Variants in SLC6A13 observed in about 807,000 individuals in gnomAD.
SLC6A13 encodes solute carrier family 6 member 13.
SLC6A13 carries 69 observed loss-of-function variants against 72.9 expected under a neutral mutation model. That is an observed-to-expected ratio of 0.95 (90% CI 0.78 to 1.16). The LOEUF (loss-of-function observed/expected upper bound fraction) is 1.16, where lower values mean the gene tolerates loss of function less well. Among genes scored for constraint, SLC6A13 ranks in the 50% most tolerant of loss-of-function variants. The pLI is 0.00. For synonymous variants in SLC6A13, 303 were observed against 303.0 expected, an observed-to-expected ratio of 1.00 and a Z score of 0.00; for missense variants, 735 against 760.5, an observed-to-expected ratio of 0.97 and a Z score of 0.39.
At chr12:230,225 AGTGTAAAAAATTCTGGGT>A in intron 7 of SLC6A13, among the ~76,000 whole-genome samples, 1 of 152,204 alleles carries the variant, frequency 6.6e-6, no homozygotes, top group Non-Finnish European at 1.5e-5. Flanking sequence ...GGGAAAAATA[AGTGTAAAAAATTCTGGGT>A]GGAACGCAGG....
At position 237,942 on chromosome 12, in the gene SLC6A13, C is replaced by G. The variant is rs765557068; in HGVS notation, c.547G>C (p.Val183Leu). 5.0e-6 allele frequency: 8 copies of G among 1,613,634 alleles called. No individual in the cohort carries two copies. In the African/African-American group the frequency reaches 8.0e-5, roughly 16 times the overall value. ...CTCACTTACTCCCAGAACTCGATGACAGGAGAGGTGGCATTCTCAGAGGTA... is the reference window on the plus strand; with the variant it reads ...CTCACTTACTCCCAGAACTCGATGAGAGGAGAGGTGGCATTCTCAGAGGTA... ...NGTSENATSP[V>L]IEFWERRVLK... Residue 183 changes from valine (V) to leucine (L), a missense_variant, in exon 5 of 15, where the codon GTC (valine) becomes CTC (leucine). Coordinates refer to ENST00000343164, the MANE Select transcript of SLC6A13 (RefSeq NM_016615.5).
At position 224,013 on chromosome 12, in the gene SLC6A13, C is replaced by A; in HGVS notation, c.1290G>T (p.Val430=). ...TCACCTCTGTGAGCATGATCAGCCCCACAAGGAAGGAGACGACAGATACTC... is the reference window on the plus strand; with the variant it reads ...TCACCTCTGTGAGCATGATCAGCCCAACAAGGAAGGAGACGACAGATACTC... The part of the protein sequence containing the change: ...ILGVSVVSFL[V]GLIMLTEGGM... Residue 430 remains valine (V), a synonymous_variant, in exon 11 of 15, where the codon GTG becomes GTT. Transcript: ENST00000343164. 6.2e-7 allele frequency: 1 copy of A among 1,613,356 alleles called. No homozygotes were observed. Among genetic ancestry groups the A allele is most frequent in the Non-Finnish European group, 8.5e-7 (1 of 1,179,748 alleles).
rs1313876243 is a variant in SLC6A13 at position 243,737 on chromosome 12, G to C, written c.279C>G (p.Gly93=). 2 of 1,614,148 alleles carry C rather than the reference G, an allele frequency of 1.2e-6. No homozygotes were observed. Among genetic ancestry groups the C allele is most frequent in the Admixed American group, 1.7e-5 (1 of 60,030 alleles). Residue 93 remains glycine (G), a synonymous_variant, in exon 3 of 15, where the codon GGC becomes GGG. Transcript: ENST00000343164. ...TGACGCCTCCCTGGCTAGTGTACTG[G>C]CCTAGTGCTGTCTCCAGAAGGAAGA... ...IPVFLLETAL[G]QYTSQGGVTA...
chr12:237,093 G>A (rs1480268339), intron 6 of SLC6A13, 65 bp downstream of exon 6: 2 of 1,578,996 alleles, frequency 1.3e-6, no homozygotes, highest in Non-Finnish European at 1.7e-6. Context: ...GAGAACTCCT[G>A]GGTGACAGCC....
At chr12:226,101 T>A (rs903930464) in intron 9 of SLC6A13, among the ~76,000 whole-genome samples, 1 of 152,240 alleles carries the variant, frequency 6.6e-6, no homozygotes, top group East Asian at 1.9e-4. Context: ...TTTTCTCATA[T>A]ATGTCTAAAC....
chr12:225,380 C>T (rs117339539), intron 9 of SLC6A13, among the ~76,000 whole-genome samples: 1,879 of 152,306 alleles, frequency 0.012, 15 homozygotes, highest in South Asian at 0.027. Flanking sequence ...CCAGCCATGG[C>T]GGCTTATGCC....
intron 2 of SLC6A13, chr12:259,030 A>G (rs1350598031): frequency 6.6e-6 from 1 of 151,296 alleles, no homozygotes; most frequent in Non-Finnish European, 1.5e-5. Flanking sequence ...TTATTACTTA[A>G]GACCACAGAA....
intron 5 of SLC6A13, among the ~76,000 whole-genome samples, chr12:237,640 C>G (rs1159646090): frequency 6.6e-6 from 1 of 152,094 alleles, no homozygotes; most frequent in African/African-American, 2.4e-5. Flanking sequence ...ACTCTTGCAG[C>G]CACAGGGAGG....
rs555044 is a variant in SLC6A13, at chr12:226,756, C to A, written c.936-242G>T. 0.28 allele frequency: 106,979 copies of A among 385,580 alleles called. 16,326 individuals carry two copies. Among genetic ancestry groups the A allele is most frequent in the African/African-American group, 0.43 (20,615 of 48,310 alleles). The allele number at this position is 385,580 out of a possible 1,614,324, so 23.9% of individuals were successfully genotyped here. ...AAATCAAGGTAGTCCTAAAAGAATG[C>A]GGCTCCAGGGAAGCAAAACATGGAT... On this transcript the variant is annotated intron_variant, in intron 8 of 14. Transcript: ENST00000343164.
intron 2 of SLC6A13, among the ~76,000 whole-genome samples, chr12:244,364 A>C (rs1391040053): frequency 1.3e-5 from 2 of 152,188 alleles, no homozygotes; most frequent in East Asian, 3.9e-4. Context: ...GAATGGATTA[A>C]TGTTATTACT....
chr12:224,003 T>C lies in SLC6A13; in HGVS notation c.1300A>G (p.Met434Val), dbSNP rs772132119. 3.6e-5 allele frequency: 58 copies of C among 1,612,200 alleles called. No individual in the cohort carries two copies. In the Middle Eastern group the frequency reaches 8.2e-4, roughly 23 times the overall value. The part of the protein sequence containing the change: ...SVVSFLVGLI[M>V]LTEGGMYVFQ... ...TCCCAGGCCCTCACCTCTGTGAGCATGATCAGCCCCACAAGGAAGGAGACG... is the reference window on the plus strand; with the variant it reads ...TCCCAGGCCCTCACCTCTGTGAGCACGATCAGCCCCACAAGGAAGGAGACG... Residue 434 changes from methionine to valine, a missense_variant, in exon 11 of 15, where the codon ATG becomes GTG. By Grantham distance (21) the Met-to-Val change is conservative (BLOSUM62 1). Transcript: ENST00000343164.
At chr12:228,334 C>T (rs1304217296) in intron 7 of SLC6A13, among the ~76,000 whole-genome samples, 1 of 152,114 alleles carries the variant, frequency 6.6e-6, no homozygotes, top group Non-Finnish European at 1.5e-5. Context: ...AGAATAACAT[C>T]CCAGACAGAA....
At chr12:226,535 G>A (rs945236225) in intron 8 of SLC6A13, 21 bp from the exon 9 acceptor site, 12 of 1,611,988 alleles carry the variant, frequency 7.4e-6, no homozygotes, top group East Asian at 4.5e-5. Context: ...GGGGTGAGGA[G>A]AGGGCGGAAT....
intron 9 of SLC6A13, among the ~76,000 whole-genome samples, chr12:225,103 G>A (rs1045203103): frequency 6.6e-6 from 1 of 152,224 alleles, no homozygotes; most frequent in Non-Finnish European, 1.5e-5. Context: ...ACACGCCCTC[G>A]CGGCGCGTGA....
chr12:229,563 C>T (rs992397658), intron 7 of SLC6A13, among the ~76,000 whole-genome samples: 9 of 152,188 alleles, frequency 5.9e-5, no homozygotes, highest in Non-Finnish European at 1.0e-4. Context: ...AAGTGCTTCC[C>T]CAGGGTCAGA....
At position 221,004 on chromosome 12, in the gene SLC6A13, G is replaced by C; in HGVS notation, c.1753C>G (p.Pro585Ala). ...AGCAGTGAGGTCCTGGGGGTGGCGGGAGCCGAGGGTCCTGCTGGGTTCCGC... is the reference window on the plus strand; with the variant it reads ...AGCAGTGAGGTCCTGGGGGTGGCGGCAGCCGAGGGTCCTGCTGGGTTCCGC... Reference protein sequence around the residue: ...PQRNPAGPSAPATPRTSLLRL... With the variant: ...PQRNPAGPSAAATPRTSLLRL... Residue 585 changes from proline (P) to alanine (A), a missense_variant, in exon 15 of 15, where the codon CCC (proline) becomes GCC (alanine). Coordinates refer to ENST00000343164, the MANE Select transcript of SLC6A13 (RefSeq NM_016615.5). 3 of 1,612,688 alleles carry C rather than the reference G, an allele frequency of 1.9e-6. No individual in the cohort carries two copies. The South Asian group carries it at 3.3e-5, about 18-fold the overall frequency.
rs117702224 is a variant in SLC6A13 at position 254,436 on chromosome 12, G to A, written c.202+5415C>T. On this transcript the variant is annotated intron_variant, in intron 2 of 14. Coordinates refer to ENST00000343164, the MANE Select transcript of SLC6A13 (RefSeq NM_016615.5). The surrounding 1 kb of genome is among the most constrained non-coding windows in gnomAD (Gnocchi z 4.4). ...TTGTCCCCAGCCCTCCACTGTAACCGCTCTTATCATCAATGACTTCCCAGC... is the reference window on the plus strand; with the variant it reads ...TTGTCCCCAGCCCTCCACTGTAACCACTCTTATCATCAATGACTTCCCAGC... Among the ~76,000 whole-genome samples the A allele has an allele frequency of 1.1e-3, 173 of 152,158 alleles. No homozygotes were observed. Among genetic ancestry groups the A allele is most frequent in the Non-Finnish European group, 1.6e-3 (109 of 68,010 alleles).
chr12:227,487 A>C, intron 8 of SLC6A13, 78 bp downstream of exon 8: 1 of 1,593,154 alleles, frequency 6.3e-7, no homozygotes, highest in Non-Finnish European at 8.5e-7. Flanking sequence ...GCACCCTCCA[A>C]CTCACCCTCG....
chr12:237,118 G>A (rs1408636463), intron 6 of SLC6A13, 40 bp downstream of exon 6: 4 of 1,610,128 alleles, frequency 2.5e-6, no homozygotes, highest in Non-Finnish European at 3.4e-6. Flanking sequence ...GTGAGGGCAG[G>A]AGTCCGGGAA....
Sources: gnomAD v4.1 joint callset for allele counts (sites outside exome capture counted in the v4.1 genomes callset) on GRCh38, gnomAD v4.1.1 for gene constraint, Gnocchi (gnomAD v3.1) non-coding constraint, MANE v1.5 for transcripts, NCBI Gene and HGNC (gene_info 2026-07-23, HGNC 2026-07-21) for gene names.